Variants in MYO1C observed in about 807,000 individuals in gnomAD.
The protein encoded by MYO1C is unconventional myosin-Ic.
Under a neutral mutation model 150.8 loss-of-function variants are expected in MYO1C, and 104 were observed. That is an observed-to-expected ratio of 0.69 (90% CI 0.59 to 0.81). The LOEUF (loss-of-function observed/expected upper bound fraction) is 0.81. Among genes scored for constraint, MYO1C ranks in the 30% least tolerant of loss-of-function variants. MYO1C has a pLI of 0.00. For missense variants in MYO1C, 1,504 were observed against 1,435.0 expected (o/e 1.05, Z -0.78); for synonymous variants, 663 against 579.9 (o/e 1.14, Z -2.06).
intron 25 of MYO1C, chr17:1,468,796 TG>T: frequency 4.0e-6 from 2 of 505,128 alleles, no homozygotes; most frequent in Non-Finnish European, 3.6e-6. Flanking sequence ...AGCTCCAGCT[TG>T]GGGTCTTGTA....
At chr17:1,468,561 C>T in intron 25 of MYO1C, 65 bp from the exon 26 acceptor site, 1 of 1,359,976 alleles carries the variant, frequency 7.4e-7, no homozygotes, top group South Asian at 1.2e-5. Context: ...GGGGCAGAGC[C>T]AGCCTTAGGA....
intron 1 of MYO1C, among the ~76,000 whole-genome samples, chr17:1,490,452 C>G (rs1214174984): frequency 6.6e-6 from 1 of 152,038 alleles, no homozygotes; most frequent in Non-Finnish European, 1.5e-5. Context: ...GAGCAGAGGT[C>G]GCACCACTGC....
At chr17:1,486,374 G>C (rs879681858) in intron 1 of MYO1C, among the ~76,000 whole-genome samples, 2 of 152,150 alleles carry the variant, frequency 1.3e-5, no homozygotes, top group Non-Finnish European at 2.9e-5. Context: ...AGCGCGCGGA[G>C]TACCCGGCCC....
intron 14 of MYO1C, chr17:1,477,180 CTTTT>C (rs547771852): frequency 2.8e-4 from 61 of 215,942 alleles, no homozygotes; most frequent in South Asian, 5.8e-4. Context: ...ATTTTTTTCC[CTTTT>C]TTTTTTTTTT....
At chr17:1,485,017 C>G (rs893685507) in intron 1 of MYO1C, 3 of 971,466 alleles carry the variant, frequency 3.1e-6, no homozygotes, top group Non-Finnish European at 4.3e-6. Flanking sequence ...CGGGGGAGGC[C>G]CTCCCTCGCA....
In MYO1C at chr17:1,468,108, C is replaced by A; in HGVS notation, c.2776G>T (p.Val926Leu). Residue 926 changes from valine to leucine, a missense_variant, in exon 28 of 32, where the codon GTG becomes TTG. By Grantham distance (32) the Val-to-Leu change is conservative. Coordinates refer to ENST00000648651, the MANE Select transcript of MYO1C (RefSeq NM_001080779.2). The part of the protein sequence containing the change: ...SEPIQYAVPV[V>L]KYDRKGYKPR... ...TTGTAGCCCTTGCGGTCGTATTTCA[C>A]AACAGGCACCGCATACTGGGGACAG... 6.2e-7 allele frequency: 1 copy of A among 1,613,544 alleles called. No homozygotes were observed. The highest frequency in any genetic ancestry group is 8.5e-7 in the Non-Finnish European group (1 of 1,180,006).
intron 19 of MYO1C, 75 bp from the exon 20 acceptor site, chr17:1,471,411 G>A (rs778434924): frequency 1.6e-6 from 2 of 1,261,790 alleles, no homozygotes; most frequent in East Asian, 2.5e-5. Flanking sequence ...CTTTCTCTGG[G>A]CACCTGCTGG....
intron 14 of MYO1C, chr17:1,477,200 C>T (rs1365616462): frequency 2.5e-4 from 56 of 226,530 alleles, no homozygotes; most frequent in Non-Finnish European, 3.6e-4. Context: ...TTTTTTGAGA[C>T]GGAGTCTCGC....
rs368550142 is a variant in MYO1C, at chr17:1,480,642, G to A, written c.808-17C>T. 6.9e-5 allele frequency: 111 copies of A among 1,613,760 alleles called. No individual in the cohort carries two copies. Among genetic ancestry groups the A allele is most frequent in the Admixed American group, 1.7e-5 (1 of 59,994 alleles). ...ACACTGGCCCTGGAGGAAGGGCACA[G>A]CTGGGTTGCCAGCCCTGGCACCAGA... On this transcript the variant is annotated splice_polypyrimidine_tract_variant and intron_variant, in intron 6 of 31. Transcript: ENST00000648651.
intron 6 of MYO1C, 39 bp from the exon 7 acceptor site, chr17:1,480,664 C>A (rs1204196572): frequency 6.2e-7 from 1 of 1,614,002 alleles, no homozygotes; most frequent in South Asian, 1.1e-5. Context: ...GCCCTGGCAC[C>A]AGATCCCTGG....
chr17:1,488,771 G>A (rs2074696938), intron 1 of MYO1C, among the ~76,000 whole-genome samples: 1 of 152,172 alleles, frequency 6.6e-6, no homozygotes, highest in Admixed American at 6.5e-5. Flanking sequence ...CTTTGGCTCT[G>A]GGCCTAGAGG....
At chr17:1,487,669 G>A (rs1233154262) in intron 1 of MYO1C, among the ~76,000 whole-genome samples, 2 of 152,212 alleles carry the variant, frequency 1.3e-5, no homozygotes, top group Admixed American at 6.5e-5. Context: ...TGTAATCCCA[G>A]CGCTTTCGGA....
chr17:1,485,621 G>A, intron 1 of MYO1C: 1 of 1,103,624 alleles, frequency 9.1e-7, no homozygotes, highest in Non-Finnish European at 1.1e-6. Context: ...TTCCTGGCGA[G>A]GCCGAGGCGA....
At position 1,484,151 on chromosome 17, in the gene MYO1C, G is replaced by A; in HGVS notation, c.228C>T (p.Ile76=). The A allele has an allele frequency of 6.2e-7, 1 of 1,612,876 alleles. No homozygotes were observed. Among genetic ancestry groups the A allele is most frequent in the South Asian group, 1.1e-5 (1 of 91,084 alleles). The change falls in exon 2 of 32, where the codon ATC becomes ATT. Residue 76 remains isoleucine, a synonymous_variant. Transcript: ENST00000648651. ...CATCTCCCCACAAGGGCCTCACGTAGATGAGATTCTCCCGAAATCGCCGCC... is the reference window on the plus strand; with the variant it reads ...CATCTCCCCACAAGGGCCTCACGTAAATGAGATTCTCCCGAAATCGCCGCC... The part of the protein sequence containing the change: ...NLRRRFRENL[I]YTYIGPVLVS...
chr17:1,477,861 C>A (rs754474394), intron 13 of MYO1C, 30 bp downstream of exon 13: 6 of 1,584,192 alleles, frequency 3.8e-6, no homozygotes, highest in Non-Finnish European at 5.2e-6. Context: ...CAGCCTCCAG[C>A]ACCAGGCCTT....
chr17:1,488,224 C>T lies in MYO1C; in HGVS notation c.76-3921G>A, dbSNP rs941742957. Among the ~76,000 whole-genome samples, 13 of 152,184 alleles carry T rather than the reference C, an allele frequency of 8.5e-5. No homozygotes were observed. In the South Asian group the frequency reaches 1.4e-3, roughly 17 times the overall value. ...CGCGGAGGGGTCGGGCCCGCTTCTT[C>T]CAGTTCCCGGGCCGCGCCGCCGCAT... On this transcript the variant is annotated intron_variant, in intron 1 of 31. Transcript: ENST00000648651.
At chr17:1,485,178 G>C (rs2150965085) in intron 1 of MYO1C, 2 of 1,188,788 alleles carry the variant, frequency 1.7e-6, no homozygotes, top group Non-Finnish European at 2.1e-6. Context: ...GGTGCAGGCT[G>C]AGCAAGACCC....
rs1211643098 is a variant in MYO1C, at chr17:1,484,201, C to T, written c.178G>A (p.Glu60Lys). 25 of 1,612,856 alleles carry T rather than the reference C, an allele frequency of 1.6e-5. No individual in the cohort carries two copies. In the Middle Eastern group the frequency reaches 6.6e-4, roughly 42 times the overall value. Residue 60 changes from glutamate to lysine, a missense_variant, in exon 2 of 32, where the codon GAG becomes AAG. Physicochemically the swap from Glu to Lys is moderately conservative, Grantham distance 56 (BLOSUM62 1). Transcript: ENST00000648651. ...DFVLLENFTS[E>K]AAFIENLRRR... ...CGCAGGTTCTCGATGAAGGCGGCCT[C>T]GCTGGTGAAGTTCTCCAGCAGCACG...
At chr17:1,471,577 A>G (rs905036898) in intron 19 of MYO1C, among the ~76,000 whole-genome samples, 9 of 152,214 alleles carry the variant, frequency 5.9e-5, no homozygotes, top group Non-Finnish European at 1.0e-4. Flanking sequence ...CCGACTCAGA[A>G]GAACCACAAA....
Sources: gnomAD v4.1 joint callset for allele counts (sites outside exome capture counted in the v4.1 genomes callset) on GRCh38, gnomAD v4.1.1 for gene constraint, MANE v1.5 for transcripts, NCBI Gene and HGNC (gene_info 2026-07-23, HGNC 2026-07-21) for gene names.